OSMR: variants seen among roughly 807,000 people sequenced by gnomAD.
OSMR encodes oncostatin M receptor.
Under a neutral mutation model 99.9 loss-of-function variants are expected in OSMR, and 81 were observed. The observed-to-expected ratio is 0.81, with a 90% CI of 0.68 to 0.97. OSMR has a LOEUF of 0.97. Ranked by LOEUF, OSMR falls within the 50% of genes least tolerant of loss-of-function variation. The pLI is 0.00. For missense variants in OSMR, 1,099 were observed against 1,153.4 expected, an observed-to-expected ratio of 0.95 and a Z score of 0.68; for synonymous variants, 406 against 410.4, an observed-to-expected ratio of 0.99 and a Z score of 0.13.
At chr5:38,901,840 T>G (rs1744910846) in intron 7 of OSMR, among the ~76,000 whole-genome samples, 1 of 152,210 alleles carries the variant, frequency 6.6e-6, no homozygotes, top group Admixed American at 6.5e-5. Flanking sequence ...GGTTTGCTGG[T>G]CAATTTGACT....
intron 7 of OSMR, among the ~76,000 whole-genome samples, chr5:38,900,212 C>T (rs552277959): frequency 4.3e-4 from 66 of 152,244 alleles, no homozygotes; most frequent in African/African-American, 1.5e-3. Flanking sequence ...ACACTGAATT[C>T]CATGCAGTCT....
chr5:38,924,242 C>T, intron 13 of OSMR, 180 bp from the exon 14 acceptor site: 2 of 895,060 alleles, frequency 2.2e-6, no homozygotes, highest in Non-Finnish European at 1.3e-6. Flanking sequence ...TCAACTCCTT[C>T]ACAGCTCTCA....
intron 9 of OSMR, among the ~76,000 whole-genome samples, chr5:38,906,513 A>G (rs1379126964): frequency 6.6e-6 from 1 of 152,218 alleles, no homozygotes; most frequent in African/African-American, 2.4e-5. Context: ...ACTGTATTGT[A>G]GCACTTTTTT....
intron 1 of OSMR, among the ~76,000 whole-genome samples, chr5:38,861,101 T>G (rs1741252556): frequency 6.6e-6 from 1 of 152,198 alleles, no homozygotes; most frequent in African/African-American, 2.4e-5. Flanking sequence ...TTGATATGAT[T>G]TTGGTTTTTA....
intron 4 of OSMR, 92 bp from the exon 5 acceptor site, chr5:38,883,735 T>C: frequency 6.2e-7 from 1 of 1,603,360 alleles, no homozygotes; most frequent in Non-Finnish European, 8.5e-7. Flanking sequence ...TAGAAAAAGC[T>C]AAAGTTATCT....
At chr5:38,924,321 C>A in intron 13 of OSMR, 101 bp from the exon 14 acceptor site, 1 of 1,583,232 alleles carries the variant, frequency 6.3e-7, no homozygotes, top group Non-Finnish European at 8.6e-7. Flanking sequence ...TAAGCTGTTA[C>A]AACCTCCAGA....
At chr5:38,876,158 C>A in intron 2 of OSMR, 43 bp from the exon 3 acceptor site, 4 of 1,586,732 alleles carry the variant, frequency 2.5e-6, no homozygotes, top group Non-Finnish European at 3.5e-6. Flanking sequence ...TTCAATCATG[C>A]TCCTATTAAA....
chr5:38,931,178 A>T (rs1355537490), intron 15 of OSMR, among the ~76,000 whole-genome samples: 1 of 152,192 alleles, frequency 6.6e-6, no homozygotes, highest in Non-Finnish European at 1.5e-5. Flanking sequence ...AGACATATTT[A>T]TGTAATCTGA....
intron 1 of OSMR, among the ~76,000 whole-genome samples, chr5:38,861,883 C>G (rs376335694): frequency 2.9e-5 from 4 of 137,782 alleles, no homozygotes; most frequent in Admixed American, 2.8e-4. Flanking sequence ...GCTGACCCCC[C>G]CACCTCCCTC....
chr5:38,885,661 G>A (rs1206062065), intron 6 of OSMR, among the ~76,000 whole-genome samples, 177 bp downstream of exon 6: 2 of 152,208 alleles, frequency 1.3e-5, no homozygotes, highest in Admixed American at 1.3e-4. Flanking sequence ...CTTTCTACCT[G>A]AGGTTTTTAA....
At chr5:38,880,883 T>G (rs945318361) in intron 3 of OSMR, among the ~76,000 whole-genome samples, 5 of 152,248 alleles carry the variant, frequency 3.3e-5, no homozygotes, top group Admixed American at 2.0e-4. Flanking sequence ...CTAAAGGCTG[T>G]GTCAAAAGCC....
chr5:38,849,950 T>A (rs6870721), intron 1 of OSMR, among the ~76,000 whole-genome samples: 37,613 of 152,154 alleles, frequency 0.25, 4,876 homozygotes, highest in South Asian at 0.4. Flanking sequence ...GTTAGTATCT[T>A]ATACATGCTA....
chr5:38,847,903 G>A (rs74474272), intron 1 of OSMR, among the ~76,000 whole-genome samples: 1 of 152,150 alleles, frequency 6.6e-6, no homozygotes, highest in Non-Finnish European at 1.5e-5. Context: ...GACCCGAGCC[G>A]CATTGGGGAG....
rs79028081 is a variant in OSMR at position 38,893,683 on chromosome 5, C to T, written c.991+7493C>T. 3.5e-4 allele frequency among the ~76,000 whole-genome samples: 53 copies of T among 152,086 alleles called. No homozygotes were observed. The East Asian group carries it at 8.9e-3, about 25-fold the overall frequency. On this transcript the variant is annotated intron_variant, in intron 7 of 17. Coordinates refer to ENST00000274276, the MANE Select transcript of OSMR (RefSeq NM_003999.3). ...TAAGAAATATGGCATTATGTAAAGC[C>T]ACTAAACATACAAAGTGTTGGCATT... is the stretch of plus-strand genomic sequence containing the variant.
intron 1 of OSMR, among the ~76,000 whole-genome samples, chr5:38,848,028 A>G (rs958303230): frequency 6.6e-6 from 1 of 152,196 alleles, no homozygotes; most frequent in African/African-American, 2.4e-5. Context: ...TTTTGTCCTG[A>G]GGACAAAACC....
intron 2 of OSMR, among the ~76,000 whole-genome samples, chr5:38,872,813 T>C (rs1742491471): frequency 6.6e-6 from 1 of 152,190 alleles, no homozygotes; most frequent in South Asian, 2.1e-4. Flanking sequence ...ATGGGGTACA[T>C]GTTCCAATAC....
chr5:38,891,586 G>A (rs886139268), intron 7 of OSMR, among the ~76,000 whole-genome samples: 6 of 152,140 alleles, frequency 3.9e-5, no homozygotes, highest in Admixed American at 2.0e-4. Context: ...GAGAGTTTTG[G>A]GGGAATCCAC....
intron 3 of OSMR, 159 bp from the exon 4 acceptor site, chr5:38,881,434 A>G: frequency 1.0e-6 from 1 of 981,040 alleles, no homozygotes; most frequent in Non-Finnish European, 1.2e-6. Context: ...CATGCGAGGC[A>G]TCAGAACATG....
At chr5:38,848,757 T>C (rs1345725889) in intron 1 of OSMR, among the ~76,000 whole-genome samples, 1 of 152,210 alleles carries the variant, frequency 6.6e-6, no homozygotes, top group South Asian at 2.1e-4. Context: ...ATACCTCTTT[T>C]GTTAATGGCT....
Sources: allele counts gnomAD v4.1 joint callset (sites outside exome capture counted in the v4.1 genomes callset), GRCh38; gene constraint gnomAD v4.1.1; transcripts MANE v1.5; gene names NCBI Gene and HGNC (gene_info 2026-07-23, HGNC 2026-07-21).